SPATA1: variants seen among roughly 807,000 people sequenced by gnomAD.
SPATA1 encodes the protein spermatogenesis-associated protein 1.
In SPATA1, 57 loss-of-function variants were observed where a neutral mutation model predicts 59.6. The observed-to-expected ratio is 0.96, with a 90% CI of 0.77 to 1.19. SPATA1 has a LOEUF of 1.19. Among genes scored for constraint, SPATA1 ranks in the 50% most tolerant of loss-of-function variants. The pLI, the probability that SPATA1 is intolerant of heterozygous loss-of-function variation, is 0.00. For missense variants in SPATA1, 448 were observed against 480.7 expected (o/e 0.93, Z 0.64); for synonymous variants, 147 against 163.9 (o/e 0.90, Z 0.79).
chr1:84,546,457 CAAAAA>C (rs10618711), intron 10 of SPATA1, among the ~76,000 whole-genome samples: 1 of 82,066 alleles, frequency 1.2e-5, no homozygotes, highest in Non-Finnish European at 2.5e-5. Flanking sequence ...GACTCTGCCT[CAAAAA>C]AAAAAAAAAA....
chr1:84,563,802 T>C (rs756223203), intron 4 of SPATA1: 1 of 1,608,414 alleles, frequency 6.2e-7, no homozygotes, highest in Non-Finnish European at 8.5e-7. Context: ...TTTCTTAGGA[T>C]TAATGCTCAT....
intron 12 of SPATA1, chr1:84,552,515 G>C (rs980370419): frequency 2.6e-5 from 4 of 151,916 alleles, no homozygotes; most frequent in Non-Finnish European, 4.4e-5. Context: ...CATTTCAACT[G>C]TAAAATGGGG....
At chr1:84,563,293 C>A in intron 4 of SPATA1, 1 of 1,583,540 alleles carries the variant, frequency 6.3e-7, no homozygotes, top group African/African-American at 1.4e-5. Context: ...GATCTTTATC[C>A]CATAGGTTTC....
intron 8 of SPATA1, among the ~76,000 whole-genome samples, chr1:84,536,871 TTTC>T (rs1455417090): frequency 4.6e-5 from 5 of 108,822 alleles, no homozygotes; most frequent in African/African-American, 1.0e-4. Context: ...TGATTTGTTT[TTTC>T]TTTTTTCTTT....
downstream of SPATA1, among the ~76,000 whole-genome samples, chr1:84,558,036 T>G (rs1474716842): frequency 6.6e-6 from 1 of 152,088 alleles, no homozygotes; most frequent in Non-Finnish European, 1.5e-5. Flanking sequence ...AGAATAGATA[T>G]TTCAAGACAC....
intron 8 of SPATA1, among the ~76,000 whole-genome samples, chr1:84,539,913 A>G (rs982754045): frequency 1.3e-5 from 2 of 151,946 alleles, no homozygotes; most frequent in African/African-American, 4.8e-5. Flanking sequence ...TCTATATGTT[A>G]TTTGGCACAA....
At chr1:84,525,244 G>A (rs983902215) in intron 4 of SPATA1, among the ~76,000 whole-genome samples, 13 of 152,216 alleles carry the variant, frequency 8.5e-5, no homozygotes, top group African/African-American at 3.1e-4. Flanking sequence ...TGAGATTACA[G>A]GCGTGAGTCA....
chr1:84,511,560 C>T (rs186575804), intron 1 of SPATA1, among the ~76,000 whole-genome samples: 3 of 150,762 alleles, frequency 2.0e-5, no homozygotes, highest in Admixed American at 1.3e-4. Flanking sequence ...AACACTAGGA[C>T]GTGTCTAGAA....
intron 2 of SPATA1, among the ~76,000 whole-genome samples, chr1:84,516,847 T>C (rs1682813415): frequency 6.6e-6 from 1 of 152,136 alleles, no homozygotes; most frequent in East Asian, 1.9e-4. Context: ...ATGTATACCA[T>C]CGTAAGTACC....
At chr1:84,550,676 T>C (rs1337258332) in intron 12 of SPATA1, 146 bp downstream of exon 12, 2 of 1,203,006 alleles carry the variant, frequency 1.7e-6, no homozygotes, top group Non-Finnish European at 2.1e-6. Flanking sequence ...AGAGCATAGG[T>C]GAAAAAAAAA....
Position 84,525,835 on chromosome 1 carries a change from T to C in SPATA1, c.316-10T>C. 1 of 1,604,526 alleles carries C rather than the reference T, an allele frequency of 6.2e-7. No individual in the cohort carries two copies. On this transcript the variant is annotated splice_polypyrimidine_tract_variant and intron_variant, in intron 5 of 12. Transcript: ENST00000490879. The stretch of plus-strand genomic sequence containing the variant: ...GCAAACTAACTTTTAAAATTTCCTA[T>C]ATGTTTTAGGCTCTTCAACCAGAAT...
intron 6 of SPATA1, among the ~76,000 whole-genome samples, chr1:84,531,906 T>C (rs1683485564): frequency 6.6e-6 from 1 of 152,180 alleles, no homozygotes; most frequent in Admixed American, 6.5e-5. Context: ...GGCTCACTTA[T>C]TCTTTTATGA....
chr1:84,525,711 G>C, exon 5 of SPATA1: 1 of 1,587,134 alleles, frequency 6.3e-7, no homozygotes, highest in Non-Finnish European at 8.5e-7. Flanking sequence ...GGAAAAGCAA[G>C]AATCAGAACT....
At chr1:84,529,858 CTT>C (rs71582921) in intron 6 of SPATA1, among the ~76,000 whole-genome samples, 100 of 117,414 alleles carry the variant, frequency 8.5e-4, no homozygotes, top group African/African-American at 1.8e-3. Flanking sequence ...AGCCTAAACT[CTT>C]TTTTTTTTTT....
intron 8 of SPATA1, among the ~76,000 whole-genome samples, chr1:84,535,153 A>G (rs1007462605): frequency 1.3e-5 from 2 of 152,120 alleles, no homozygotes; most frequent in African/African-American, 2.4e-5. Flanking sequence ...AGTTGACTCT[A>G]TAAGATCTAG....
intron 6 of SPATA1, 110 bp downstream of exon 6, chr1:84,526,183 T>G: frequency 1.2e-6 from 1 of 859,768 alleles, no homozygotes; most frequent in Non-Finnish European, 1.7e-6. Context: ...ATAGGCAGTT[T>G]AAAAAGAAAG....
intron 1 of SPATA1, among the ~76,000 whole-genome samples, chr1:84,513,141 CAG>C (rs1184236917): frequency 6.6e-6 from 1 of 152,120 alleles, no homozygotes; most frequent in Non-Finnish European, 1.5e-5. Flanking sequence ...TTTTTTGTTA[CAG>C]AGTTTCGCTC....
intron 1 of SPATA1, among the ~76,000 whole-genome samples, chr1:84,515,159 A>C (rs1682742231): frequency 6.6e-6 from 1 of 151,838 alleles, no homozygotes; most frequent in East Asian, 1.9e-4. Context: ...GTCATCTTTC[A>C]CTTAGGTTCA....
At chr1:84,529,052 G>A (rs1253497232) in intron 6 of SPATA1, among the ~76,000 whole-genome samples, 1 of 151,380 alleles carries the variant, frequency 6.6e-6, no homozygotes, top group Non-Finnish European at 1.5e-5. Context: ...ACCACTTTCA[G>A]ACTTTATCCA....
Sources: allele counts gnomAD v4.1 joint callset (sites outside exome capture counted in the v4.1 genomes callset), GRCh38; gene constraint gnomAD v4.1.1; transcripts MANE v1.5; gene names NCBI Gene and HGNC (gene_info 2026-07-23, HGNC 2026-07-21).